The following ITPR1 variants were observed in gnomAD, a reference collection of about 807,000 sequenced individuals.
ITPR1 encodes inositol 1,4,5-trisphosphate-gated calcium channel ITPR1.
Under a neutral mutation model 318.4 loss-of-function variants are expected in ITPR1, and 96 were observed. That is an observed-to-expected ratio of 0.30 (90% CI 0.26 to 0.36). The LOEUF is 0.36. Ranked by LOEUF, ITPR1 falls within the 10% of genes least tolerant of loss-of-function variation. The probability of loss-of-function intolerance (pLI) is 1.00; values close to 1 mark genes in which losing one functional copy is unlikely to be tolerated. For synonymous variants in ITPR1, 1,312 were observed against 1,289.9 expected, an observed-to-expected ratio of 1.02 and a Z score of -0.37; for missense variants, 2,440 against 3,460.2, an observed-to-expected ratio of 0.71 and a Z score of 7.40.
chr3:4,591,407 A>C (rs1011753361), intron 4 of ITPR1, among the ~76,000 whole-genome samples: 1 of 152,068 alleles, frequency 6.6e-6, no homozygotes, highest in African/African-American at 2.4e-5. Context: ...TTGACTTTTT[A>C]ATAATAGCTG....
intron 10 of ITPR1, among the ~76,000 whole-genome samples, chr3:4,647,772 G>A (rs1189932248): frequency 6.6e-6 from 1 of 152,190 alleles, no homozygotes; most frequent in East Asian, 1.9e-4. Flanking sequence ...TTTGGCATCT[G>A]TGTAGCTTCT....
intron 44 of ITPR1, among the ~76,000 whole-genome samples, chr3:4,763,305 A>G (rs4685816): frequency 0.74 from 113,148 of 152,104 alleles, 42,235 homozygotes; most frequent in East Asian, 0.92. Flanking sequence ...ACCACCATAT[A>G]TTTACCTTTG....
rs558050760 is a variant in ITPR1, at chr3:4,587,164, A to C, written c.164-40599A>C. On this transcript the variant is annotated intron_variant, in intron 4 of 61. Coordinates refer to ENST00000649015, the MANE Select transcript of ITPR1 (RefSeq NM_001378452.1). ...AGGTGTACTGTGTGATCTTATTAAA[A>C]TGCAGATTCCGAAACAGCCTGCTAT... is the stretch of plus-strand genomic sequence containing the variant. 2.6e-5 allele frequency among the ~76,000 whole-genome samples: 4 copies of C among 152,200 alleles called. No individual in the cohort carries two copies. In the South Asian group the frequency reaches 8.3e-4, roughly 32 times the overall value.
rs2093349588 is a variant in ITPR1, at chr3:4,641,978, C to CCAG, written c.367-110_367-108dup. 3 of 769,720 alleles carry CCAG rather than the reference C, an allele frequency of 3.9e-6. No homozygotes were observed. In the African/African-American group the frequency reaches 5.3e-5, roughly 14 times the overall value. The allele number at this position is 769,720 out of a possible 1,614,324, so 47.7% of individuals were successfully genotyped here. Reference sequence around the variant, plus strand: ...GGCACTTTGTGATTCTCTGGCTTCACCAGCAGCTCAATGGTGGGAGGAATG... The same window carrying CCAG: ...GGCACTTTGTGATTCTCTGGCTTCACCAGCAGCAGCTCAATGGTGGGAGGAATG... On this transcript the variant is annotated intron_variant, in intron 6 of 61. Transcript: ENST00000649015.
At chr3:4,765,951 A>G (rs753310793) in intron 44 of ITPR1, among the ~76,000 whole-genome samples, 3 of 152,340 alleles carry the variant, frequency 2.0e-5, no homozygotes, top group Admixed American at 6.5e-5. Flanking sequence ...TGGAGTCACT[A>G]TAGCATAGTG....
intron 4 of ITPR1, among the ~76,000 whole-genome samples, chr3:4,588,341 CT>C (rs544442679): frequency 0.056 from 8,045 of 144,826 alleles, 289 homozygotes; most frequent in Middle Eastern, 0.097. Context: ...ATACCTGTTT[CT>C]TTTTTTTTTT....
chr3:4,685,341 A>AG, intron 30 of ITPR1, 135 bp downstream of exon 30: 1 of 848,842 alleles, frequency 1.2e-6, no homozygotes, highest in Non-Finnish European at 1.7e-6. Flanking sequence ...AAGCAATTTC[A>AG]GGTATTGATA....
intron 60 of ITPR1, among the ~76,000 whole-genome samples, chr3:4,831,594 A>G (rs952308989): frequency 6.6e-6 from 1 of 152,164 alleles, no homozygotes; most frequent in Non-Finnish European, 1.5e-5. Flanking sequence ...ACCCCAAGAT[A>G]ATTCACAACA....
At chr3:4,554,954 C>T (rs995318412) in intron 4 of ITPR1, among the ~76,000 whole-genome samples, 1 of 152,130 alleles carries the variant, frequency 6.6e-6, no homozygotes, top group Admixed American at 6.5e-5. Context: ...ACACAGCATT[C>T]ATGTGTGGGG....
At chr3:4,772,666 G>T (rs1363859486) in intron 46 of ITPR1, among the ~76,000 whole-genome samples, 2 of 152,190 alleles carry the variant, frequency 1.3e-5, no homozygotes, top group Non-Finnish European at 2.9e-5. Flanking sequence ...TTGGTCCCAG[G>T]CTCTTCAAGG....
chr3:4,673,575 GTTTTTGTTTGTT>G (rs1389044407), intron 21 of ITPR1, among the ~76,000 whole-genome samples, 188 bp downstream of exon 21: 1 of 133,270 alleles, frequency 7.5e-6, no homozygotes, highest in Non-Finnish European at 1.6e-5. Context: ...TATGTTTTTG[GTTTTTGTTTGTT>G]TGTTTGTTTG....
chr3:4,504,662 C>T (rs1359381279), intron 2 of ITPR1, among the ~76,000 whole-genome samples: 4 of 152,124 alleles, frequency 2.6e-5, no homozygotes, highest in Admixed American at 6.5e-5. Flanking sequence ...TGTTCCTCCT[C>T]ATTTCACAAT....
At chr3:4,509,299 A>G (rs1049968490) in intron 2 of ITPR1, among the ~76,000 whole-genome samples, 1 of 152,248 alleles carries the variant, frequency 6.6e-6, no homozygotes, top group Non-Finnish European at 1.5e-5. Flanking sequence ...CACTCTTGTC[A>G]GTACTCCAAG....
At chr3:4,522,368 G>C (rs2082636076) in intron 4 of ITPR1, among the ~76,000 whole-genome samples, 2 of 152,150 alleles carry the variant, frequency 1.3e-5, no homozygotes, top group Non-Finnish European at 2.9e-5. Flanking sequence ...TTTAGAAACT[G>C]TTTGACTTTT....
intron 4 of ITPR1, among the ~76,000 whole-genome samples, chr3:4,562,340 G>C (rs568978341): frequency 7.9e-5 from 12 of 152,116 alleles, no homozygotes; most frequent in African/African-American, 2.7e-4. Context: ...TTTGCATTTT[G>C]GATAGTAATA....
At chr3:4,681,319 T>C (rs2125228767) in intron 25 of ITPR1, 45 bp from the exon 26 acceptor site, 1 of 1,401,980 alleles carries the variant, frequency 7.1e-7, no homozygotes, top group South Asian at 1.2e-5. Context: ...AGCAGCATGT[T>C]TGCAGACCTT....
chr3:4,817,322 G>T (rs939107960), intron 59 of ITPR1: 1 of 152,262 alleles, frequency 6.6e-6, no homozygotes, highest in Admixed American at 6.5e-5. Flanking sequence ...TTAGGGTGCA[G>T]ATCTAGAGGA....
At chr3:4,666,359 C>T (rs1318913414) in intron 17 of ITPR1, among the ~76,000 whole-genome samples, 2 of 152,136 alleles carry the variant, frequency 1.3e-5, no homozygotes, top group East Asian at 1.9e-4. Flanking sequence ...ACCTTCAGTG[C>T]GTTGATACTG....
intron 4 of ITPR1, among the ~76,000 whole-genome samples, chr3:4,559,108 T>A (rs1404619055): frequency 6.6e-6 from 1 of 152,092 alleles, no homozygotes; most frequent in African/African-American, 2.4e-5. Context: ...TCCTCCTGCC[T>A]TAGCCTCCTG....
Sources: gnomAD v4.1 joint callset for allele counts (sites outside exome capture counted in the v4.1 genomes callset) on GRCh38, gnomAD v4.1.1 for gene constraint, MANE v1.5 for transcripts, NCBI Gene and HGNC (gene_info 2026-07-23, HGNC 2026-07-21) for gene names.